Variants in C12orf42 observed in about 807,000 individuals in gnomAD.
C12orf42 encodes the protein uncharacterized protein C12orf42.
C12orf42 carries 25 observed loss-of-function variants against 21.6 expected under a neutral mutation model. The observed-to-expected ratio is 1.16, with a 90% CI of 0.84 to 1.62. The LOEUF is 1.62. Ranked by LOEUF, C12orf42 falls within the 40% of genes most tolerant of loss-of-function variation. The probability of loss-of-function intolerance (pLI) is 0.00; values close to 1 mark genes in which losing one functional copy is unlikely to be tolerated. For synonymous variants in C12orf42, 174 were observed against 175.0 expected, an observed-to-expected ratio of 0.99 and a Z score of 0.05; for missense variants, 483 against 459.3, an observed-to-expected ratio of 1.05 and a Z score of -0.47.
chr12:103,264,746 T>C (rs901138666), downstream of C12orf42, among the ~76,000 whole-genome samples: 2 of 152,120 alleles, frequency 1.3e-5, no homozygotes, highest in African/African-American at 4.8e-5. Flanking sequence ...AAAAAATAAT[T>C]ATGTTTATTT....
chr12:103,149,218 G>A, the C12orf42 span, among the ~76,000 whole-genome samples: 5 of 152,144 alleles, frequency 3.3e-5, no homozygotes, highest in Non-Finnish European at 7.4e-5. Context: ...TTCTCTGTAA[G>A]TAGCATAACA....
intron 10 of C12orf42, among the ~76,000 whole-genome samples, chr12:103,243,991 C>T (rs1471191643): frequency 1.3e-5 from 2 of 152,084 alleles, no homozygotes; most frequent in African/African-American, 2.4e-5. Flanking sequence ...CAGTGTGGCC[C>T]AGGCATCATT....
At chr12:103,291,997 T>C (rs1372248935) in intron 4 of C12orf42, among the ~76,000 whole-genome samples, 1 of 152,018 alleles carries the variant, frequency 6.6e-6, no homozygotes, top group Non-Finnish European at 1.5e-5. Flanking sequence ...TTCATAATAG[T>C]CAAAAGGTGG....
the C12orf42 span, among the ~76,000 whole-genome samples, chr12:103,530,261 C>T: frequency 3.9e-5 from 6 of 152,234 alleles, no homozygotes; most frequent in African/African-American, 1.4e-4. Flanking sequence ...GGAATCCGAA[C>T]TGTCAGCTGC....
At chr12:103,308,172 T>C (rs1226028711) in intron 4 of C12orf42, among the ~76,000 whole-genome samples, 3 of 152,144 alleles carry the variant, frequency 2.0e-5, no homozygotes, top group Non-Finnish European at 4.4e-5. Context: ...ATAATGCACA[T>C]AAAGTACTTA....
the C12orf42 span, among the ~76,000 whole-genome samples, chr12:103,521,248 C>A: frequency 6.6e-6 from 1 of 152,134 alleles, no homozygotes; most frequent in Non-Finnish European, 1.5e-5. Context: ...CAAACTTAAC[C>A]AATCATTGCA....
At chr12:103,218,715 A>G in the C12orf42 span, among the ~76,000 whole-genome samples, 8 of 152,228 alleles carry the variant, frequency 5.3e-5, no homozygotes, top group Admixed American at 2.6e-4. Context: ...TCTCTGTTAC[A>G]TGCACTAATA....
chr12:103,499,887 T>C (rs983493920), upstream of C12orf42, among the ~76,000 whole-genome samples: 4 of 152,244 alleles, frequency 2.6e-5, no homozygotes, highest in African/African-American at 7.2e-5. Context: ...GTTAGAATGC[T>C]ATTGAAATTG....
the C12orf42 span, among the ~76,000 whole-genome samples, chr12:103,210,399 T>C: frequency 1.1e-4 from 16 of 152,262 alleles, no homozygotes; most frequent in Non-Finnish European, 2.1e-4. Flanking sequence ...TATAAATCGC[T>C]TCCTAATATT....
chr12:103,304,474 A>C (rs919799188), intron 5 of C12orf42, among the ~76,000 whole-genome samples: 1 of 152,198 alleles, frequency 6.6e-6, no homozygotes, highest in East Asian at 1.9e-4. Flanking sequence ...CAAAGACTTG[A>C]AATGAGAAAG....
chr12:103,447,719 T>C (rs1464871423), intron 2 of C12orf42, among the ~76,000 whole-genome samples: 1 of 151,770 alleles, frequency 6.6e-6, no homozygotes, highest in African/African-American at 2.4e-5. Context: ...AATAAAATGC[T>C]TAGGAATATA....
intron 2 of C12orf42, among the ~76,000 whole-genome samples, chr12:103,465,707 G>A (rs1392564161): frequency 6.6e-6 from 1 of 152,182 alleles, no homozygotes; most frequent in Non-Finnish European, 1.5e-5. Flanking sequence ...TCCAGCTTTT[G>A]CCCATTCAGT....
At chr12:103,298,147 A>C (rs1224892079), downstream of C12orf42, among the ~76,000 whole-genome samples, 1 of 151,882 alleles carries the variant, frequency 6.6e-6, no homozygotes, top group Non-Finnish European at 1.5e-5. Flanking sequence ...TTCAATTAGG[A>C]AAAGAGGAAG....
chr12:103,421,781 T>C (rs1000596289), intron 2 of C12orf42, among the ~76,000 whole-genome samples: 3 of 152,174 alleles, frequency 2.0e-5, no homozygotes, highest in African/African-American at 7.2e-5. Context: ...AAAGATCTGA[T>C]GTCTGCACAA....
chr12:103,312,572 G>A (rs1015994652), intron 4 of C12orf42, among the ~76,000 whole-genome samples: 7 of 152,132 alleles, frequency 4.6e-5, no homozygotes, highest in African/African-American at 1.4e-4. Flanking sequence ...ATTCTTAACC[G>A]TGTCCTCCAG....
At chr12:103,282,057 C>A (rs1449294763) in intron 4 of C12orf42, among the ~76,000 whole-genome samples, 1 of 152,180 alleles carries the variant, frequency 6.6e-6, no homozygotes, top group South Asian at 2.1e-4. Flanking sequence ...GAACCAATAA[C>A]CTTTCTTCTT....
At chr12:103,324,786 T>C (rs2040514325) in intron 4 of C12orf42, among the ~76,000 whole-genome samples, 1 of 152,150 alleles carries the variant, frequency 6.6e-6, no homozygotes, top group Admixed American at 6.5e-5. Flanking sequence ...AATACAGAAT[T>C]ATTTGGAAGA....
chr12:103,251,853 C>T (rs114587933), intron 10 of C12orf42, among the ~76,000 whole-genome samples: 1 of 152,140 alleles, frequency 6.6e-6, no homozygotes, highest in Non-Finnish European at 1.5e-5. Context: ...AAGACCTTCA[C>T]CATGTAATGA....
chr12:103,269,299 T>C (rs969689097), intron 6 of C12orf42, among the ~76,000 whole-genome samples: 7 of 152,018 alleles, frequency 4.6e-5, no homozygotes, highest in Non-Finnish European at 7.4e-5. Context: ...ACAAATGACA[T>C]AAAGCAGAGG....
Sources: gnomAD v4.1 joint callset for allele counts (sites outside exome capture counted in the v4.1 genomes callset) on GRCh38, gnomAD v4.1.1 for gene constraint, MANE v1.5 for transcripts, NCBI Gene and HGNC (gene_info 2026-07-23, HGNC 2026-07-21) for gene names.